CTNNA2: variants seen among roughly 807,000 people sequenced by gnomAD.
CTNNA2 encodes catenin alpha 2.
In CTNNA2, 42 loss-of-function variants were observed where a neutral mutation model predicts 101.0. The ratio of observed to expected loss-of-function variants is 0.42; its 90% CI spans 0.32 to 0.54. The LOEUF (loss-of-function observed/expected upper bound fraction) is 0.54. Among genes scored for constraint, CTNNA2 ranks in the 20% least tolerant of loss-of-function variants. CTNNA2 has a pLI of 0.14. For synonymous variants in CTNNA2, 450 were observed against 456.4 expected (o/e 0.99, Z 0.18); for missense variants, 871 against 1,223.1 (o/e 0.71, Z 4.29).
chr2:80,403,363 A>G (rs1457735480), intron 8 of CTNNA2, among the ~76,000 whole-genome samples: 1 of 152,192 alleles, frequency 6.6e-6, no homozygotes, highest in Non-Finnish European at 1.5e-5. Context: ...CAGTAGTGAC[A>G]AAAGGGCTGG....
chr2:80,484,462 G>A (rs1052824436), intron 9 of CTNNA2, among the ~76,000 whole-genome samples: 4 of 152,028 alleles, frequency 2.6e-5, no homozygotes, highest in Non-Finnish European at 5.9e-5. Context: ...TTGGCTGTTC[G>A]GCGAAAAAGG....
At chr2:79,548,528 G>C (rs954480614) in intron 1 of CTNNA2, among the ~76,000 whole-genome samples, 10 of 152,162 alleles carry the variant, frequency 6.6e-5, no homozygotes. Context: ...TTCTCCACCA[G>C]CTATGATTCT....
At chr2:79,267,870 C>T (rs1266030085) in intron 2 of CTNNA2, among the ~76,000 whole-genome samples, 1 of 152,118 alleles carries the variant, frequency 6.6e-6, no homozygotes, top group African/African-American at 2.4e-5. Flanking sequence ...GGAGCTTGGA[C>T]ACAAAGATGC....
At chr2:80,024,307 T>C (rs1694787527) in intron 7 of CTNNA2, among the ~76,000 whole-genome samples, 1 of 152,144 alleles carries the variant, frequency 6.6e-6, no homozygotes, top group African/African-American at 2.4e-5. Flanking sequence ...GACGAGTGCT[T>C]GGATACAGGA....
chr2:79,783,426 C>G (rs1361569225), intron 3 of CTNNA2, among the ~76,000 whole-genome samples: 4 of 152,148 alleles, frequency 2.6e-5, no homozygotes, highest in Non-Finnish European at 5.9e-5. Context: ...TTCCAGAAAT[C>G]CCTCTTAAGC....
rs547181008 is a variant in CTNNA2 at position 80,287,464 on chromosome 2, T to C, written c.1057-105747T>C. ...TGTAAAGGAGATTCACTGTGTATAG[T>C]CAAAATGGACTCCATTGGTAATAGA... is the stretch of plus-strand genomic sequence containing the variant. On this transcript the variant is annotated intron_variant, in intron 7 of 18. Coordinates refer to ENST00000402739, the MANE Select transcript of CTNNA2 (RefSeq NM_001282597.3). Among the ~76,000 whole-genome samples the C allele has an allele frequency of 3.9e-5, 6 of 152,270 alleles. No individual in the cohort carries two copies. In the East Asian group the frequency reaches 7.7e-4, roughly 20 times the overall value.
At chr2:80,132,222 A>G (rs1168352533) in intron 7 of CTNNA2, among the ~76,000 whole-genome samples, 1 of 152,138 alleles carries the variant, frequency 6.6e-6, no homozygotes, top group South Asian at 2.1e-4. Flanking sequence ...AAGAGTAGAC[A>G]CATTGCTACT....
intron 2 of CTNNA2, among the ~76,000 whole-genome samples, chr2:79,655,382 A>C (rs1681538806): frequency 1.3e-5 from 2 of 152,226 alleles, no homozygotes; most frequent in African/African-American, 4.8e-5. Flanking sequence ...TCATAAACCA[A>C]TACTGTGTAA....
intron 9 of CTNNA2, among the ~76,000 whole-genome samples, chr2:80,517,279 C>T (rs1427696636): frequency 6.6e-6 from 1 of 152,178 alleles, no homozygotes; most frequent in Non-Finnish European, 1.5e-5. Flanking sequence ...GGCTCATTTC[C>T]CATCAGCAGT....
chr2:80,232,345 G>GTTTTTTTTTTTTTT (rs61454985), intron 7 of CTNNA2, among the ~76,000 whole-genome samples: 67 of 64,780 alleles, frequency 1.0e-3, no homozygotes, highest in South Asian at 2.0e-3. Flanking sequence ...TTGTTTGTTT[G>GTTTTTTTTTTTTTT]TTTTTTTTTT....
At chr2:79,290,152 G>A (rs1289729041) in intron 2 of CTNNA2, among the ~76,000 whole-genome samples, 2 of 152,114 alleles carry the variant, frequency 1.3e-5, no homozygotes, top group East Asian at 3.9e-4. Context: ...TCCAGGCCCT[G>A]AACATAGAGT....
chr2:80,501,634 T>A (rs146353963), intron 9 of CTNNA2, among the ~76,000 whole-genome samples: 8 of 152,264 alleles, frequency 5.3e-5, no homozygotes, highest in African/African-American at 1.9e-4. Context: ...CAGTGCTCAG[T>A]GAAAGATTTG....
intron 3 of CTNNA2, among the ~76,000 whole-genome samples, chr2:79,369,188 C>T (rs1407614224): frequency 1.3e-5 from 2 of 152,174 alleles, no homozygotes; most frequent in African/African-American, 4.8e-5. Flanking sequence ...TCATCCACTC[C>T]TCTAGTCAGT....
intron 1 of CTNNA2, among the ~76,000 whole-genome samples, chr2:79,543,015 A>G (rs987520322): frequency 7.9e-5 from 12 of 152,122 alleles, no homozygotes; most frequent in African/African-American, 2.9e-4. Flanking sequence ...AAAATTTCAA[A>G]TTCATTTTCA....
chr2:80,220,425 A>G (rs936373261), intron 7 of CTNNA2, among the ~76,000 whole-genome samples: 1 of 152,124 alleles, frequency 6.6e-6, no homozygotes, highest in Non-Finnish European at 1.5e-5. Flanking sequence ...TAGTTTTTGC[A>G]TTTTTTAAAT....
chr2:79,819,960 C>T (rs867106036), intron 3 of CTNNA2, among the ~76,000 whole-genome samples: 1 of 151,676 alleles, frequency 6.6e-6, no homozygotes, highest in African/African-American at 2.4e-5. Flanking sequence ...ACAATGAAAA[C>T]AAAACAACAA....
chr2:79,675,708 T>G (rs1683138485), intron 2 of CTNNA2, among the ~76,000 whole-genome samples: 2 of 152,186 alleles, frequency 1.3e-5, no homozygotes, highest in African/African-American at 4.8e-5. Context: ...TGGATGTCTG[T>G]CTGTTTCATT....
intron 2 of CTNNA2, among the ~76,000 whole-genome samples, chr2:79,206,574 ATT>A (rs1674103335): frequency 6.6e-6 from 1 of 152,018 alleles, no homozygotes; most frequent in Admixed American, 6.6e-5. Context: ...CTGAATATTC[ATT>A]TATTCATCTT....
chr2:80,131,704 A>G (rs745550750), intron 7 of CTNNA2, among the ~76,000 whole-genome samples: 1 of 152,110 alleles, frequency 6.6e-6, no homozygotes, highest in African/African-American at 2.4e-5. Flanking sequence ...CATGTGTTCA[A>G]TTATTAAACT....
Sources: gnomAD v4.1 joint callset for allele counts (sites outside exome capture counted in the v4.1 genomes callset) on GRCh38, gnomAD v4.1.1 for gene constraint, MANE v1.5 for transcripts, NCBI Gene and HGNC (gene_info 2026-07-23, HGNC 2026-07-21) for gene names.